The following CIAO3 variants were observed in gnomAD, a reference collection of about 807,000 sequenced individuals.
CIAO3 encodes the protein LET1 like/JFP15.
In CIAO3, 45 loss-of-function variants were observed where a neutral mutation model predicts 51.5. The ratio of observed to expected loss-of-function variants is 0.87; its 90% CI spans 0.69 to 1.12. The LOEUF is 1.12. CIAO3 is among the 50% of genes most tolerant of loss of function. CIAO3 has a pLI of 0.00. For synonymous variants in CIAO3, 314 were observed against 269.3 expected, an observed-to-expected ratio of 1.17 and a Z score of -1.63; for missense variants, 668 against 632.5, an observed-to-expected ratio of 1.06 and a Z score of -0.60.
In CIAO3 at chr16:732,332, G is replaced by A. The variant is rs768167238; in HGVS notation, c.865C>T (p.Pro289Ser). 1.2e-6 allele frequency: 2 copies of A among 1,612,970 alleles called. No individual in the cohort carries two copies. The highest frequency in any genetic ancestry group is 1.7e-6 in the Non-Finnish European group (2 of 1,179,830). ...RLLEEEGVSL[P>S]DLEPAPLDSL... Reference sequence around the variant, plus strand: ...TCCAGAGGGGCTGGTTCCAGGTCGGGGAGGGAGACGCCCTCTTCCTCCAGC... The same window carrying A: ...TCCAGAGGGGCTGGTTCCAGGTCGGAGAGGGAGACGCCCTCTTCCTCCAGC... Residue 289 changes from proline to serine, a missense_variant, in exon 8 of 11, where the codon CCC becomes TCC. Pro to Ser is a moderately conservative substitution (Grantham distance 74). Transcript: ENST00000251588.
rs144281931 is a variant in CIAO3 at position 738,969 on chromosome 16, C to G, written c.162+674G>C. On this transcript the variant is annotated intron_variant, in intron 2 of 10. Transcript: ENST00000251588. ...TGAATTTTAACAGTTTCATCAGGAT[C>G]TTATCACTTAGAGAGGAAGTACTAT... 5.6e-3 allele frequency among the ~76,000 whole-genome samples: 822 copies of G among 146,522 alleles called. 7 individuals carry two copies. The highest frequency in any genetic ancestry group is 0.019 in the African/African-American group (782 of 40,466).
At chr16:740,578 T>G in intron 1 of CIAO3, 1 of 413,318 alleles carries the variant, frequency 2.4e-6, no homozygotes, top group Non-Finnish European at 4.4e-6. Context: ...GGGTTAGGGT[T>G]AGGGATGTGT....
chr16:735,871 G>A (rs1332364526), intron 4 of CIAO3, among the ~76,000 whole-genome samples: 1 of 152,182 alleles, frequency 6.6e-6, no homozygotes, highest in Admixed American at 6.5e-5. Context: ...ACCAGGCACT[G>A]GAGCCTAGTT....
Position 736,269 on chromosome 16 carries a change from T to G in CIAO3, c.436A>C (p.Ile146Leu). 2 of 1,612,554 alleles carry G rather than the reference T, an allele frequency of 1.2e-6. No homozygotes were observed. The highest frequency in any genetic ancestry group is 1.7e-6 in the Non-Finnish European group (2 of 1,179,660). The change falls in exon 4 of 11, where the codon ATA (isoleucine) becomes CTA (leucine). Residue 146 changes from isoleucine to leucine, a missense_variant. By Grantham distance (5) the Ile-to-Leu change is conservative (BLOSUM62 2). Coordinates refer to ENST00000251588, the MANE Select transcript of CIAO3 (RefSeq NM_022493.3). ...ARKLTSFFKK[I>L]GVHFVFDTAF... ...TTACCCCAGGTTCAAAGCCTACCTATTTTTTTAAAGAATGAGGTTAATTTC... is the reference window on the plus strand; with the variant it reads ...TTACCCCAGGTTCAAAGCCTACCTAGTTTTTTAAAGAATGAGGTTAATTTC...
At chr16:735,290 C>T (rs2041326746) in intron 4 of CIAO3, 1 of 173,152 alleles carries the variant, frequency 5.8e-6, no homozygotes, top group Non-Finnish European at 1.2e-5. Context: ...CCATAGTGGC[C>T]ACCCCTCACA....
In CIAO3 at chr16:730,206, A is replaced by AC; in HGVS notation, c.*210dup. ...AACCTTCTGCTGCCTGGGCCACCCC[A>AC]CCCCACCTGGGCAGAGCCAGTGGGA... On this transcript the variant is annotated 3_prime_UTR_variant, in exon 11 of 11. Transcript: ENST00000251588. The AC allele has an allele frequency of 1.7e-6, 1 of 601,980 alleles. No individual in the cohort carries two copies. The highest frequency in any genetic ancestry group is 1.9e-5 in the African/African-American group (1 of 53,934). The allele number at this position is 601,980 out of a possible 1,614,324, so 37.3% of individuals were successfully genotyped here.
rs561336297 is a variant in CIAO3 at position 734,589 on chromosome 16, C to G, written c.574+148G>C. The G allele has an allele frequency of 3.3e-4, 469 of 1,411,510 alleles. 1 individual carries two copies. The Middle Eastern group carries it at 4.9e-3, about 15-fold the overall frequency. The allele number at this position is 1,411,510 out of a possible 1,614,324, so 87.4% of individuals were successfully genotyped here. A position where few individuals can be genotyped will look rare whatever the true frequency, so the allele number is the denominator to read the frequency against. On this transcript the variant is annotated intron_variant, in intron 5 of 10. Coordinates refer to ENST00000251588, the MANE Select transcript of CIAO3 (RefSeq NM_022493.3). ...AGGGCAGCCTCTTCTCCAGAAAAGG[C>G]CATTTGTGCCAACATTTCCAACCCG...
Position 734,892 on chromosome 16 carries a change from C to T in CIAO3, c.440-21G>A, listed in dbSNP as rs371759618. ...CACCCCTGGAAGGTGAAGGTGGGTGCCTGGTTAACCCCATGCGGGACGCCC... is the reference window on the plus strand; with the variant it reads ...CACCCCTGGAAGGTGAAGGTGGGTGTCTGGTTAACCCCATGCGGGACGCCC... On this transcript the variant is annotated intron_variant, in intron 4 of 10. Transcript: ENST00000251588. The T allele has an allele frequency of 5.8e-5, 89 of 1,530,190 alleles. 1 individual carries two copies. Among genetic ancestry groups the T allele is most frequent in the Admixed American group, 2.0e-4 (10 of 49,640 alleles). The allele number at this position is 1,530,190 out of a possible 1,614,324, so 94.8% of individuals were successfully genotyped here. A position where few individuals can be genotyped will look rare whatever the true frequency, so the allele number is the denominator to read the frequency against.
chr16:740,314 C>T (rs1283166678), intron 1 of CIAO3: 1 of 354,338 alleles, frequency 2.8e-6, no homozygotes, highest in East Asian at 7.4e-5. Context: ...GCGCCTGCAG[C>T]CTCCCGGGTT....
chr16:732,183 G>T, intron 8 of CIAO3, 118 bp downstream of exon 8: 2 of 1,132,118 alleles, frequency 1.8e-6, no homozygotes, highest in African/African-American at 1.6e-5. Flanking sequence ...TGGCTATCCA[G>T]CCACTTCTGT....
chr16:740,321 G>T, intron 1 of CIAO3: 1 of 353,766 alleles, frequency 2.8e-6, no homozygotes, highest in South Asian at 2.1e-5. Context: ...CAGCCTCCCG[G>T]GTTCAAGGGT....
At chr16:733,175 C>G in intron 7 of CIAO3, 123 bp downstream of exon 7, 1 of 1,291,516 alleles carries the variant, frequency 7.7e-7, no homozygotes, top group Non-Finnish European at 1.1e-6. Flanking sequence ...TGCACGCATG[C>G]GAGCCCCCAC....
Position 729,873 on chromosome 16 carries a change from G to A in CIAO3, c.*544C>T. 1 of 452,864 alleles carries A rather than the reference G, an allele frequency of 2.2e-6. No individual in the cohort carries two copies. The highest frequency in any genetic ancestry group is 7.3e-5 in the East Asian group (1 of 13,734). 28.1% of individuals were successfully genotyped at this position (452,864 alleles called of 1,614,324 possible). A position where few individuals can be genotyped will look rare whatever the true frequency, so the allele number is the denominator to read the frequency against. ...ATGGCTGCTGCTTCGTACTTGGCTT[G>A]CCCCGGACCACAGCCTCGTAACGGT... On this transcript the variant is annotated 3_prime_UTR_variant, in exon 11 of 11. Transcript: ENST00000251588.
chr16:732,761 C>T (rs1443962987), intron 7 of CIAO3: 1 of 348,990 alleles, frequency 2.9e-6, no homozygotes, highest in Non-Finnish European at 5.6e-6. Flanking sequence ...CTCAGCCTCC[C>T]GAGTAGCTGG....
In CIAO3 at chr16:734,893, C is replaced by T. The variant is rs374945998; in HGVS notation, c.440-22G>A. 9.1e-6 allele frequency: 14 copies of T among 1,531,028 alleles called. No homozygotes were observed. In the African/African-American group the frequency reaches 1.4e-4, roughly 15 times the overall value. The allele number at this position is 1,531,028 out of a possible 1,614,324, so 94.8% of individuals were successfully genotyped here. ...ACCCCTGGAAGGTGAAGGTGGGTGC[C>T]TGGTTAACCCCATGCGGGACGCCCA... On this transcript the variant is annotated intron_variant, in intron 4 of 10. Transcript: ENST00000251588.
Position 730,074 on chromosome 16 carries a change from G to A in CIAO3, c.*343C>T, listed in dbSNP as rs2151598956. On this transcript the variant is annotated 3_prime_UTR_variant, in exon 11 of 11. Transcript: ENST00000251588. ...CTTGCTCTGCCTCAGGCAACCCCGG[G>A]ACAGGCTGAAGCCCCTCACGCACTT... 1 of 435,654 alleles carries A rather than the reference G, an allele frequency of 2.3e-6. No homozygotes were observed. The allele number at this position is 435,654 out of a possible 1,614,324, so 27.0% of individuals were successfully genotyped here.
At chr16:736,156 AAG>A (rs2041334906) in intron 4 of CIAO3, 108 bp downstream of exon 4, 1 of 1,386,302 alleles carries the variant, frequency 7.2e-7, no homozygotes, top group Non-Finnish European at 9.9e-7. Flanking sequence ...TGTAGCGCTG[AAG>A]TTCAGGGCTG....
At position 731,721 on chromosome 16, in the gene CIAO3, C is replaced by T; in HGVS notation, c.897-19G>A. On this transcript the variant is annotated intron_variant, in intron 8 of 10. Coordinates refer to ENST00000251588, the MANE Select transcript of CIAO3 (RefSeq NM_022493.3). ...GCTGCACCTGGCAAGGAGGGAGGGGCCTCAGCACAGCTGGGGCTGCTGCCT... is the reference window on the plus strand; with the variant it reads ...GCTGCACCTGGCAAGGAGGGAGGGGTCTCAGCACAGCTGGGGCTGCTGCCT... 3.3e-6 allele frequency: 5 copies of T among 1,538,086 alleles called. No individual in the cohort carries two copies. The highest frequency in any genetic ancestry group is 4.4e-6 in the Non-Finnish European group (5 of 1,144,684).
chr16:730,627 C>T lies in CIAO3; in HGVS notation c.1221G>A (p.Gln407=). The change falls in exon 11 of 11, where the codon CAG becomes CAA. Residue 407 remains glutamine (Q), a synonymous_variant. Coordinates refer to ENST00000251588, the MANE Select transcript of CIAO3 (RefSeq NM_022493.3). ...SGCLNGGGQL[Q]APDRPSRELL... ...GCTCTCTGCTGGGCCTGTCTGGGGC[C>T]TGGAGCTGGCCCCCGCCGTTCAGGC... The T allele has an allele frequency of 6.2e-7, 1 of 1,609,820 alleles. No individual in the cohort carries two copies. The highest frequency in any genetic ancestry group is 8.5e-7 in the Non-Finnish European group (1 of 1,179,890).
Sources: allele counts gnomAD v4.1 joint callset (sites outside exome capture counted in the v4.1 genomes callset), GRCh38; gene constraint gnomAD v4.1.1; transcripts MANE v1.5; gene names NCBI Gene and HGNC (gene_info 2026-07-23, HGNC 2026-07-21).